The following FKBP5 variants were observed in gnomAD, a reference collection of about 807,000 sequenced individuals.
The protein encoded by FKBP5 is peptidyl-prolyl cis-trans isomerase FKBP5.
FKBP5 carries 23 observed loss-of-function variants against 50.5 expected under a neutral mutation model. The ratio of observed to expected loss-of-function variants is 0.46; its 90% CI spans 0.33 to 0.65. The LOEUF (loss-of-function observed/expected upper bound fraction) is 0.65, where lower values mean the gene tolerates loss of function less well. Among genes scored for constraint, FKBP5 ranks in the 30% least tolerant of loss-of-function variants. The probability of loss-of-function intolerance (pLI) is 0.02; values close to 1 mark genes in which losing one functional copy is unlikely to be tolerated. For missense variants in FKBP5, 411 were observed against 553.1 expected, an observed-to-expected ratio of 0.74 and a Z score of 2.58; for synonymous variants, 176 against 190.6, an observed-to-expected ratio of 0.92 and a Z score of 0.63.
At chr6:35,576,810 G>A (rs556344458) in intron 10 of FKBP5, among the ~76,000 whole-genome samples, 184 bp downstream of exon 10, 3 of 152,258 alleles carry the variant, frequency 2.0e-5, no homozygotes, top group East Asian at 1.9e-4. Context: ...CTCTCATGAC[G>A]TGTGCCTTTG....
intron 8 of FKBP5, chr6:35,582,551 G>T: frequency 1.6e-6 from 1 of 616,444 alleles, no homozygotes; most frequent in Non-Finnish European, 2.0e-6. Context: ...AGGAACCAGA[G>T]GAGAGGCCCT....
At chr6:35,655,228 C>T (rs1400625906) in intron 1 of FKBP5, among the ~76,000 whole-genome samples, 1 of 152,140 alleles carries the variant, frequency 6.6e-6, no homozygotes, top group African/African-American at 2.4e-5. Flanking sequence ...GAGCCATTCA[C>T]TTATTTATTC....
At chr6:35,593,131 A>G (rs1762872027) in intron 6 of FKBP5, among the ~76,000 whole-genome samples, 1 of 152,228 alleles carries the variant, frequency 6.6e-6, no homozygotes, top group South Asian at 2.1e-4. Flanking sequence ...CCTGACTTCC[A>G]TATTACACAG....
intron 3 of FKBP5, among the ~76,000 whole-genome samples, chr6:35,627,020 G>A (rs939253336): frequency 8.5e-5 from 13 of 152,234 alleles, no homozygotes; most frequent in Non-Finnish European, 1.5e-4. Context: ...GATCAACATG[G>A]TAACTCTATT....
intron 2 of FKBP5, among the ~76,000 whole-genome samples, chr6:35,705,050 A>G (rs1766266588): frequency 1.3e-5 from 2 of 151,034 alleles, no homozygotes; most frequent in Non-Finnish European, 2.9e-5. Context: ...CTGAGGCAAG[A>G]GAATGGCGTG....
chr6:35,577,420 A>G (rs1762254385), intron 9 of FKBP5, among the ~76,000 whole-genome samples, 187 bp from the exon 10 acceptor site: 1 of 152,204 alleles, frequency 6.6e-6, no homozygotes. Context: ...CAATTTCTAG[A>G]AAGATCCCAA....
At chr6:35,610,808 G>A (rs758854594) in intron 5 of FKBP5, among the ~76,000 whole-genome samples, 3 of 151,842 alleles carry the variant, frequency 2.0e-5, no homozygotes, top group Non-Finnish European at 2.9e-5. Context: ...AATAATCTGG[G>A]AGTTTAAAAA....
chr6:35,623,038 C>A (rs964832265), intron 3 of FKBP5, among the ~76,000 whole-genome samples: 1 of 151,818 alleles, frequency 6.6e-6, no homozygotes, highest in African/African-American at 2.4e-5. Flanking sequence ...GTCAGGAGAT[C>A]GAAACCATCC....
chr6:35,682,066 T>A (rs181239540), intron 1 of FKBP5, among the ~76,000 whole-genome samples: 31 of 128,326 alleles, frequency 2.4e-4, no homozygotes, highest in Non-Finnish European at 2.5e-4. Context: ...TAAATTACCC[T>A]GTTAGGTTTC....
At position 35,697,547 on chromosome 6, in the gene FKBP5, CA is replaced by C. The variant is rs369940228; in HGVS notation, c.-20+22780del. 1.5e-3 allele frequency among the ~76,000 whole-genome samples: 187 copies of C among 124,122 alleles called. 1 individual carries two copies. The highest frequency in any genetic ancestry group is 1.6e-3 in the African/African-American group (54 of 33,758). The allele number at this position is 124,122 out of a possible 152,430, so 81.4% of individuals were successfully genotyped here. A position where few individuals can be genotyped will look rare whatever the true frequency, so the allele number is the denominator to read the frequency against. On this transcript the variant is annotated intron_variant, in intron 2 of 11. Coordinates refer to the FKBP5 transcript ENST00000536438. ...GGGCAACGAGAGTGAAACTCTGTCT[CA>C]AAAAAAAAAAAAAAAAGAATGAAGT...
intron 1 of FKBP5, among the ~76,000 whole-genome samples, chr6:35,647,238 C>A (rs796714436): frequency 5.9e-5 from 9 of 152,142 alleles, no homozygotes; most frequent in African/African-American, 9.6e-5. Context: ...AACAAAAAAA[C>A]CCCAGAAAAT....
intron 1 of FKBP5, among the ~76,000 whole-genome samples, chr6:35,676,228 T>C (rs1765518718): frequency 6.6e-6 from 1 of 152,206 alleles, no homozygotes; most frequent in African/African-American, 2.4e-5. Context: ...GAAACATAAA[T>C]AAATCTAAAT....
chr6:35,681,100 A>C (rs1356844021), intron 1 of FKBP5, among the ~76,000 whole-genome samples: 4 of 152,154 alleles, frequency 2.6e-5, no homozygotes, highest in African/African-American at 9.7e-5. Flanking sequence ...TTAATTCCTA[A>C]CTGAGGTATT....
chr6:35,679,100 C>T (rs1263117319), intron 1 of FKBP5, among the ~76,000 whole-genome samples: 1 of 152,064 alleles, frequency 6.6e-6, no homozygotes, highest in African/African-American at 2.4e-5. Context: ...ATATGAAATA[C>T]AAATAACCAA....
At chr6:35,625,862 C>T (rs1433355044) in intron 3 of FKBP5, among the ~76,000 whole-genome samples, 1 of 151,338 alleles carries the variant, frequency 6.6e-6, no homozygotes, top group Non-Finnish European at 1.5e-5. Context: ...TCACCGCAAG[C>T]TCCGCCTCCC....
At chr6:35,684,835 T>C (rs1260528783) in intron 1 of FKBP5, among the ~76,000 whole-genome samples, 1 of 152,150 alleles carries the variant, frequency 6.6e-6, no homozygotes, top group Non-Finnish European at 1.5e-5. Flanking sequence ...GACACCAGCC[T>C]GGGCAACATA....
At chr6:35,662,686 A>G (rs1322536216) in intron 1 of FKBP5, among the ~76,000 whole-genome samples, 1 of 152,222 alleles carries the variant, frequency 6.6e-6, no homozygotes, top group Non-Finnish European at 1.5e-5. Context: ...AGGATTACCT[A>G]GCTATCATAA....
intron 2 of FKBP5, among the ~76,000 whole-genome samples, chr6:35,713,653 C>T (rs192764226): frequency 1.3e-5 from 2 of 152,334 alleles, no homozygotes; most frequent in Admixed American, 6.5e-5. Context: ...CGCTCCTGCC[C>T]TGGGGATTCT....
intron 1 of FKBP5, among the ~76,000 whole-genome samples, chr6:35,721,886 G>A (rs985796658): frequency 6.6e-6 from 1 of 152,230 alleles, no homozygotes; most frequent in Non-Finnish European, 1.5e-5. Context: ...GATTACTGGA[G>A]AGTAGTGGAT....
Sources: gnomAD v4.1 joint callset for allele counts (sites outside exome capture counted in the v4.1 genomes callset) on GRCh38, gnomAD v4.1.1 for gene constraint, MANE v1.5 for transcripts, NCBI Gene and HGNC (gene_info 2026-07-23, HGNC 2026-07-21) for gene names.